The following TRMT5 variants were observed in gnomAD, a reference collection of about 807,000 sequenced individuals.
The protein encoded by TRMT5 is tRNA methyltransferase 5, also known as tRNA (guanine(37)-N(1))-methyltransferase.
TRMT5 carries 31 observed loss-of-function variants against 42.2 expected under a neutral mutation model. The ratio of observed to expected loss-of-function variants is 0.73; its 90% CI spans 0.55 to 0.99. The LOEUF (loss-of-function observed/expected upper bound fraction) is 0.99. Among genes scored for constraint, TRMT5 ranks in the 50% least tolerant of loss-of-function variants. The pLI, the probability that TRMT5 is intolerant of heterozygous loss-of-function variation, is 0.00. For missense variants in TRMT5, 568 were observed against 595.0 expected, an observed-to-expected ratio of 0.95 and a Z score of 0.47; for synonymous variants, 198 against 209.6, an observed-to-expected ratio of 0.94 and a Z score of 0.48.
chr14:60,975,533 C>T lies in TRMT5; in HGVS notation c.1386G>A (p.Leu462=). 6.2e-7 allele frequency: 1 copy of T among 1,614,208 alleles called. No homozygotes were observed. The highest frequency in any genetic ancestry group is 1.1e-5 in the South Asian group (1 of 91,088). Residue 462 remains leucine (L), a synonymous_variant, in exon 4 of 5, where the codon CTG becomes CTA. Transcript: ENST00000261249. ...VRNVAPNKEM[L]CITFQIPASV... is the part of the protein sequence containing the mutation. ...AGGCAGGAATCTGAAACGTGATGCACAGCATTTCCTTGTTTGGGGCCACAT... is the reference window on the plus strand; with the variant it reads ...AGGCAGGAATCTGAAACGTGATGCATAGCATTTCCTTGTTTGGGGCCACAT...
At position 60,979,655 on chromosome 14, in the gene TRMT5, G is replaced by A. The variant is rs747550758; in HGVS notation, c.243C>T (p.Gly81=). 3.2e-5 allele frequency: 52 copies of A among 1,613,974 alleles called. 1 individual carries two copies. Among genetic ancestry groups the A allele is most frequent in the Non-Finnish European group, 4.2e-5 (49 of 1,180,022 alleles). Residue 81 remains glycine, a synonymous_variant, in exon 2 of 5, where the codon GGC becomes GGT. Transcript: ENST00000261249. ...ELFSPPSDVR[G]MTKLDRTAFK... ...AAGCTGTTCTATCAAGTTTTGTCAT[G>A]CCTCGGACATCAGAAGGTGGTGAAA...
chr14:60,977,944 C>A (rs1251943647), intron 2 of TRMT5, among the ~76,000 whole-genome samples: 2 of 151,908 alleles, frequency 1.3e-5, no homozygotes, highest in Non-Finnish European at 2.9e-5. Flanking sequence ...AAACAAGGAA[C>A]CAAAAAGGTA....
chr14:60,976,226 C>T, intron 3 of TRMT5, 100 bp from the exon 4 acceptor site: 2 of 1,363,138 alleles, frequency 1.5e-6, no homozygotes, highest in Non-Finnish European at 2.0e-6. Flanking sequence ...AACACATACA[C>T]ATTTAAGTTT....
upstream of TRMT5, chr14:60,981,188 C>G (rs2036978897): frequency 3.9e-6 from 6 of 1,536,618 alleles, no homozygotes; most frequent in African/African-American, 6.9e-5. Flanking sequence ...GGGCCGGGCT[C>G]AAAGCTCCGC....
Position 60,975,598 on chromosome 14 carries a change from T to C in TRMT5, c.1321A>G (p.Ile441Val). 6.2e-7 allele frequency: 1 copy of C among 1,614,170 alleles called. No homozygotes were observed. Residue 441 changes from isoleucine (I) to valine (V), a missense_variant, in exon 4 of 5, where the codon ATT becomes GTT. By Grantham distance (29) the Ile-to-Val change is conservative. Coordinates refer to ENST00000261249, the MANE Select transcript of TRMT5 (RefSeq NM_020810.3). ...ACTGAACTGCATGCCTCCAGAGAAATGCCTAACACAGCTCCAGCCCTTTGC... is the reference window on the plus strand; with the variant it reads ...ACTGAACTGCATGCCTCCAGAGAAACGCCTAACACAGCTCCAGCCCTTTGC... The part of the protein sequence containing the change: ...VRQRAGAVLG[I>V]SLEACSSVHL...
chr14:60,977,491 T>G, intron 3 of TRMT5, 23 bp downstream of exon 3: 1 of 1,590,518 alleles, frequency 6.3e-7, no homozygotes, highest in Non-Finnish European at 8.5e-7. Context: ...ATATACACCT[T>G]ACTTGGAGAT....
At chr14:60,976,219 A>G in intron 3 of TRMT5, 93 bp from the exon 4 acceptor site, 1 of 1,398,588 alleles carries the variant, frequency 7.2e-7, no homozygotes, top group East Asian at 2.3e-5. Flanking sequence ...ACAGGCAAAC[A>G]CATACACATT....
upstream of TRMT5, chr14:60,981,085 C>T (rs753570528): frequency 6.2e-7 from 1 of 1,600,630 alleles, no homozygotes; most frequent in Non-Finnish European, 8.5e-7. Context: ...TCTATGACAT[C>T]ATCACTGTTC....
chr14:60,972,051 G>C lies in TRMT5; in HGVS notation c.*3058C>G, dbSNP rs891997077. 4 of 263,460 alleles carry C rather than the reference G, an allele frequency of 1.5e-5. No homozygotes were observed. Among genetic ancestry groups the C allele is most frequent in the African/African-American group, 6.9e-5 (3 of 43,686 alleles). The allele number at this position is 263,460 out of a possible 1,614,324, so 16.3% of individuals were successfully genotyped here. On this transcript the variant is annotated 3_prime_UTR_variant, in exon 5 of 5. Transcript: ENST00000261249. ...ACTAGAAGGGAAAGATGTTTTCCCC[G>C]TATCAATCCAGCTTCAGAGATATTC...
intron 4 of TRMT5, 114 bp from the exon 5 acceptor site, chr14:60,975,308 A>G (rs2036829220): frequency 7.7e-7 from 1 of 1,299,172 alleles, no homozygotes; most frequent in Admixed American, 2.4e-5. Flanking sequence ...ATGAAATAAC[A>G]TTCTTGCAGA....
chr14:60,980,500 T>C (rs1296846539), intron 1 of TRMT5, among the ~76,000 whole-genome samples: 1 of 152,374 alleles, frequency 6.6e-6, no homozygotes, highest in Non-Finnish European at 1.5e-5. Context: ...TATTGCTCTG[T>C]TGTTTGTTTT....
chr14:60,981,195 C>T, upstream of TRMT5: 3 of 1,539,210 alleles, frequency 1.9e-6, no homozygotes, highest in Admixed American at 4.0e-5. Context: ...GCTCAAAGCT[C>T]CGCCTCTGGC....
chr14:60,979,759 C>T lies in TRMT5; in HGVS notation c.139G>A (p.Gly47Ser). The T allele has an allele frequency of 6.2e-7, 1 of 1,613,840 alleles. No individual in the cohort carries two copies. Among genetic ancestry groups the T allele is most frequent in the Non-Finnish European group, 8.5e-7 (1 of 1,179,940 alleles). ...SLTQMLLEAP[G>S]IFLLGQRKRF... is the part of the protein sequence containing the mutation. The stretch of plus-strand genomic sequence containing the variant: ...TTTCTTTGACCCAATAAGAAAATAC[C>T]AGGTGCTTCCAAAAGCATCTGTGTC... The change falls in exon 2 of 5, where the codon GGT becomes AGT. Residue 47 changes from glycine to serine, a missense_variant. Gly to Ser is a moderately conservative substitution (Grantham distance 56). Transcript: ENST00000261249.
At position 60,973,303 on chromosome 14, in the gene TRMT5, G is replaced by A. The variant is rs2036802388; in HGVS notation, c.*1806C>T. ...CTCACAGTTCTCCAGGCTATAGGAAGCATAGCACTGGCATCTGCTTCTGGG... is the reference window on the plus strand; with the variant it reads ...CTCACAGTTCTCCAGGCTATAGGAAACATAGCACTGGCATCTGCTTCTGGG... On this transcript the variant is annotated 3_prime_UTR_variant, in exon 5 of 5. Transcript: ENST00000261249. The A allele has an allele frequency of 6.6e-6, 1 of 152,238 alleles. No homozygotes were observed. 9.4% of individuals were successfully genotyped at this position (152,238 alleles called of 1,614,324 possible). A position where few individuals can be genotyped will look rare whatever the true frequency, so the allele number is the denominator to read the frequency against.
Position 60,977,478 on chromosome 14 carries a change from T to C in TRMT5, c.792+36A>G, listed in dbSNP as rs147408772. 10 of 1,563,672 alleles carry C rather than the reference T, an allele frequency of 6.4e-6. No individual in the cohort carries two copies. In the African/African-American group the frequency reaches 8.2e-5, roughly 13 times the overall value. On this transcript the variant is annotated intron_variant, in intron 3 of 4. Coordinates refer to ENST00000261249, the MANE Select transcript of TRMT5 (RefSeq NM_020810.3). ...ATCTATTCTGACTCTAAACATAATA[T>C]TGATATACACCTTACTTGGAGATAA...
In TRMT5 at chr14:60,972,050, C is replaced by T. The variant is rs1054627957; in HGVS notation, c.*3059G>A. ...AACTAGAAGGGAAAGATGTTTTCCC[C>T]GTATCAATCCAGCTTCAGAGATATT... On this transcript the variant is annotated 3_prime_UTR_variant, in exon 5 of 5. Coordinates refer to ENST00000261249, the MANE Select transcript of TRMT5 (RefSeq NM_020810.3). 2.7e-5 allele frequency: 7 copies of T among 259,054 alleles called. No homozygotes were observed. Among genetic ancestry groups the T allele is most frequent in the Admixed American group, 9.6e-5 (2 of 20,830 alleles). The allele number at this position is 259,054 out of a possible 1,614,324, so 16.0% of individuals were successfully genotyped here. A position where few individuals can be genotyped will look rare whatever the true frequency, so the allele number is the denominator to read the frequency against.
chr14:60,973,180 A>G lies in TRMT5; in HGVS notation c.*1929T>C, dbSNP rs1235513265. 1 of 152,212 alleles carries G rather than the reference A, an allele frequency of 6.6e-6. No homozygotes were observed. The highest frequency in any genetic ancestry group is 1.5e-5 in the Non-Finnish European group (1 of 68,036). 9.4% of individuals were successfully genotyped at this position (152,212 alleles called of 1,614,324 possible). A position where few individuals can be genotyped will look rare whatever the true frequency, so the allele number is the denominator to read the frequency against. ...TATCGATTGTCAAAATGACTGTACCATATCAAAGTTGTTTTGCCTTGTGTT... is the reference window on the plus strand; with the variant it reads ...TATCGATTGTCAAAATGACTGTACCGTATCAAAGTTGTTTTGCCTTGTGTT... On this transcript the variant is annotated 3_prime_UTR_variant, in exon 5 of 5. Transcript: ENST00000261249.
rs1280134634 is a variant in TRMT5 at position 60,975,538 on chromosome 14, T to C, written c.1381A>G (p.Met461Val). 1 of 1,614,228 alleles carries C rather than the reference T, an allele frequency of 6.2e-7. No homozygotes were observed. Among genetic ancestry groups the C allele is most frequent in the Middle Eastern group, 1.6e-4 (1 of 6,062 alleles). ...GGAATCTGAAACGTGATGCACAGCA[T>C]TTCCTTGTTTGGGGCCACATTTCTT... ...LVRNVAPNKE[M>V]LCITFQIPAS... is the part of the protein sequence containing the mutation. The change falls in exon 4 of 5, where the codon ATG becomes GTG. Residue 461 changes from methionine (M) to valine (V), a missense_variant. Physicochemically the swap from Met to Val is conservative, Grantham distance 21. Coordinates refer to ENST00000261249, the MANE Select transcript of TRMT5 (RefSeq NM_020810.3).
At chr14:60,980,060 A>G (rs967962073) in intron 1 of TRMT5, among the ~76,000 whole-genome samples, 174 bp from the exon 2 acceptor site, 12 of 152,206 alleles carry the variant, frequency 7.9e-5, no homozygotes, top group African/African-American at 2.7e-4. Context: ...TATTAGTGGT[A>G]GATAATAGTG....
Sources: gnomAD v4.1 joint callset for allele counts (sites outside exome capture counted in the v4.1 genomes callset) on GRCh38, gnomAD v4.1.1 for gene constraint, MANE v1.5 for transcripts, NCBI Gene and HGNC (gene_info 2026-07-23, HGNC 2026-07-21) for gene names.